Variants in LIN52 observed in about 807,000 individuals in gnomAD.
LIN52 encodes the protein protein lin-52 homolog.
A neutral mutation model predicts 18.5 loss-of-function variants in LIN52; 4 were observed. The observed-to-expected ratio is 0.22, with a 90% CI of 0.11 to 0.49. The LOEUF is 0.49. Among genes scored for constraint, LIN52 ranks in the 20% least tolerant of loss-of-function variants. The probability of loss-of-function intolerance (pLI) is 0.97; values close to 1 mark genes in which losing one functional copy is unlikely to be tolerated. For missense variants in LIN52, 102 were observed against 139.5 expected (o/e 0.73, Z 1.35); for synonymous variants, 34 against 45.5 (o/e 0.75, Z 1.02).
At chr14:74,154,101 T>G (rs1449428236) in intron 5 of LIN52, among the ~76,000 whole-genome samples, 1 of 152,048 alleles carries the variant, frequency 6.6e-6, no homozygotes, top group Non-Finnish European at 1.5e-5. Flanking sequence ...TATTCACATT[T>G]CCTTAGCTTT....
chr14:74,105,181 A>AT (rs2060889221), intron 5 of LIN52, among the ~76,000 whole-genome samples: 1 of 152,050 alleles, frequency 6.6e-6, no homozygotes, highest in Non-Finnish European at 1.5e-5. Flanking sequence ...GGCATTTGTT[A>AT]TTTTTTTAAA....
chr14:74,167,708 T>G (rs1219814965), intron 5 of LIN52, among the ~76,000 whole-genome samples: 1 of 152,130 alleles, frequency 6.6e-6, no homozygotes, highest in Non-Finnish European at 1.5e-5. Flanking sequence ...TTTTTATATT[T>G]TTTATAGAGA....
chr14:74,118,728 C>A (rs1331095993), intron 5 of LIN52, among the ~76,000 whole-genome samples: 1 of 152,034 alleles, frequency 6.6e-6, no homozygotes, highest in Non-Finnish European at 1.5e-5. Context: ...GAACCAAGAT[C>A]ACACCATTGT....
chr14:74,127,613 A>T (rs1011247847), intron 5 of LIN52, among the ~76,000 whole-genome samples: 1 of 152,238 alleles, frequency 6.6e-6, no homozygotes, highest in Non-Finnish European at 1.5e-5. Context: ...GCAAGTGAGG[A>T]ACTAGGGAAA....
chr14:74,148,475 G>T (rs1390588011), intron 5 of LIN52, among the ~76,000 whole-genome samples: 2 of 152,130 alleles, frequency 1.3e-5, no homozygotes, highest in African/African-American at 4.8e-5. Flanking sequence ...TGATCCACTT[G>T]AGGAGCATAG....
At chr14:74,094,537 G>A (rs996251373) in intron 2 of LIN52, among the ~76,000 whole-genome samples, 1 of 152,102 alleles carries the variant, frequency 6.6e-6, no homozygotes, top group Non-Finnish European at 1.5e-5. Context: ...GGGATTACAG[G>A]TGTGAGGCAC....
intron 5 of LIN52, among the ~76,000 whole-genome samples, chr14:74,178,058 G>A (rs2061301474): frequency 6.6e-6 from 1 of 152,178 alleles, no homozygotes; most frequent in African/African-American, 2.4e-5. Context: ...GGATTAACAG[G>A]TGTGAGCCAC....
chr14:74,193,736 C>G (rs1020603040), intron 5 of LIN52, among the ~76,000 whole-genome samples: 4 of 152,172 alleles, frequency 2.6e-5, no homozygotes, highest in African/African-American at 9.7e-5. Flanking sequence ...AGAAAAATAA[C>G]TTGGTAATTT....
At chr14:74,128,655 G>A (rs915449597) in intron 5 of LIN52, among the ~76,000 whole-genome samples, 2 of 152,138 alleles carry the variant, frequency 1.3e-5, no homozygotes, top group African/African-American at 2.4e-5. Flanking sequence ...ACTAAAGAAC[G>A]CTGTGGCTGG....
chr14:74,120,648 G>A (rs1002682535), intron 5 of LIN52, among the ~76,000 whole-genome samples: 2 of 151,862 alleles, frequency 1.3e-5, no homozygotes, highest in African/African-American at 2.4e-5. Context: ...CCAGCTACTC[G>A]GGAGGTTGAG....
At chr14:74,168,115 T>G (rs1285908137) in intron 5 of LIN52, among the ~76,000 whole-genome samples, 1 of 152,244 alleles carries the variant, frequency 6.6e-6, no homozygotes, top group East Asian at 1.9e-4. Context: ...TAGAATGTTA[T>G]GAGATACTGC....
intron 5 of LIN52, among the ~76,000 whole-genome samples, chr14:74,197,580 C>T (rs935322610): frequency 1.3e-5 from 2 of 152,088 alleles, no homozygotes; most frequent in Admixed American, 1.3e-4. Flanking sequence ...GCTGTAAATC[C>T]ATGAAGGAAG....
intron 5 of LIN52, among the ~76,000 whole-genome samples, chr14:74,187,696 C>A (rs1215090213): frequency 6.6e-6 from 1 of 152,120 alleles, no homozygotes; most frequent in South Asian, 2.1e-4. Context: ...TCTGTGTGCA[C>A]GTTACTTTAC....
chr14:74,166,182 C>T lies in LIN52; in HGVS notation c.284-32740C>T, dbSNP rs192496872. 6.3e-4 allele frequency among the ~76,000 whole-genome samples: 95 copies of T among 151,690 alleles called. 1 individual carries two copies. Among genetic ancestry groups the T allele is most frequent in the Non-Finnish European group, 1.1e-3 (78 of 67,922 alleles). ...CTGGGATTACAGGCGTGAGCCACTG[C>T]GCCCAGCTATTTCATCTATTTTTAA... On this transcript the variant is annotated intron_variant, in intron 5 of 5. Coordinates refer to ENST00000555028, the MANE Select transcript of LIN52 (RefSeq NM_001024674.3).
At chr14:74,101,752 G>T (rs899609913) in intron 5 of LIN52, among the ~76,000 whole-genome samples, 3 of 152,052 alleles carry the variant, frequency 2.0e-5, no homozygotes, top group Admixed American at 1.3e-4. Flanking sequence ...GAGCCACCGC[G>T]CCCGGCCGAT....
chr14:74,137,044 C>T (rs2061101412), intron 5 of LIN52, among the ~76,000 whole-genome samples: 1 of 151,860 alleles, frequency 6.6e-6, no homozygotes, highest in Non-Finnish European at 1.5e-5. Context: ...AGCCCCTCTT[C>T]ACTAAATTAA....
intron 5 of LIN52, among the ~76,000 whole-genome samples, chr14:74,192,399 C>G (rs1221064689): frequency 6.6e-6 from 1 of 152,170 alleles, no homozygotes; most frequent in Non-Finnish European, 1.5e-5. Context: ...GATTCTCCTG[C>G]CTCAGCCTCC....
intron 5 of LIN52, among the ~76,000 whole-genome samples, chr14:74,153,136 G>C (rs1595176811): frequency 6.6e-6 from 1 of 152,262 alleles, no homozygotes; most frequent in East Asian, 1.9e-4. Context: ...TTGTGCTCCT[G>C]ACCTGAGCCT....
intron 5 of LIN52, among the ~76,000 whole-genome samples, chr14:74,103,788 A>T (rs1224849283): frequency 3.5e-4 from 24 of 68,998 alleles, no homozygotes; most frequent in Admixed American, 8.6e-4. Context: ...GGGTTTTTCT[A>T]TGTTGCCTAG....
Sources: gnomAD v4.1 joint callset for allele counts (sites outside exome capture counted in the v4.1 genomes callset) on GRCh38, gnomAD v4.1.1 for gene constraint, MANE v1.5 for transcripts, NCBI Gene and HGNC (gene_info 2026-07-23, HGNC 2026-07-21) for gene names.